Variants in MYOM1 observed in about 807,000 individuals in gnomAD.
MYOM1 encodes myomesin 1, also known as myomesin-1.
Under a neutral mutation model 205.3 loss-of-function variants are expected in MYOM1, and 164 were observed. The ratio of observed to expected loss-of-function variants is 0.80; its 90% CI spans 0.70 to 0.91. MYOM1 has a LOEUF of 0.91. Among genes scored for constraint, MYOM1 ranks in the 40% least tolerant of loss-of-function variants. The probability of loss-of-function intolerance (pLI) is 0.00; values close to 1 mark genes in which losing one functional copy is unlikely to be tolerated. For synonymous variants in MYOM1, 772 were observed against 789.4 expected (o/e 0.98, Z 0.37); for missense variants, 2,011 against 2,127.3 (o/e 0.95, Z 1.08).
chr18:3,215,063 T>A lies in MYOM1; in HGVS notation c.161A>T (p.His54Leu). Residue 54 changes from histidine (H) to leucine (L), a missense_variant, in exon 2 of 38, where the codon CAC becomes CTC. Transcript: ENST00000356443. ...ACGGAAGGCCTCGGACTCCCGGCGG[T>A]GCGCGGCGGAGGAGCGGCTGCTGTA... Reference protein sequence around the residue: ...TAYSSRSSAAHRRESEAFRRA... With the variant: ...TAYSSRSSAALRRESEAFRRA... 6.2e-7 allele frequency: 1 copy of A among 1,613,430 alleles called. No homozygotes were observed. The highest frequency in any genetic ancestry group is 8.5e-7 in the Non-Finnish European group (1 of 1,179,778).
Position 3,089,634 on chromosome 18 carries a change from G to C in MYOM1, c.4010-38C>G, listed in dbSNP as rs757122038. On this transcript the variant is annotated intron_variant, in intron 27 of 37. Coordinates refer to ENST00000356443, the MANE Select transcript of MYOM1 (RefSeq NM_003803.4). ...AAACAAGGAAGTGTGAAATTGAGTT[G>C]GGTGGTATAAATGCACATGTCAGCC... 7 of 1,559,944 alleles carry C rather than the reference G, an allele frequency of 4.5e-6. No homozygotes were observed. The South Asian group carries it at 8.2e-5, about 18-fold the overall frequency.
At chr18:3,181,604 AT>A (rs145851241) in intron 5 of MYOM1, among the ~76,000 whole-genome samples, 2,030 of 152,314 alleles carry the variant, frequency 0.013, 50 homozygotes, top group African/African-American at 0.047. Flanking sequence ...ATTTGTGAGA[AT>A]AGAAGAGTTT....
At position 3,082,573 on chromosome 18, in the gene MYOM1, C is replaced by T. The variant is rs553596611; in HGVS notation, c.4484+1216G>A. ...TGGGGATGCCATGTGACCTTCTTCTCAGTGGGGCTCCTAGGAACATTTGCA... is the reference window on the plus strand; with the variant it reads ...TGGGGATGCCATGTGACCTTCTTCTTAGTGGGGCTCCTAGGAACATTTGCA... On this transcript the variant is annotated intron_variant, in intron 33 of 37. Transcript: ENST00000356443. 5.3e-5 allele frequency among the ~76,000 whole-genome samples: 8 copies of T among 152,274 alleles called. No homozygotes were observed. In the South Asian group the frequency reaches 1.7e-3, roughly 32 times the overall value.
the MYOM1 span, among the ~76,000 whole-genome samples, chr18:3,238,865 T>G: frequency 1.3e-5 from 2 of 152,168 alleles, no homozygotes; most frequent in Non-Finnish European, 2.9e-5. Context: ...CCAGCAACAT[T>G]GTATCTCTTT....
intron 18 of MYOM1, among the ~76,000 whole-genome samples, chr18:3,128,399 G>A (rs546396051): frequency 3.7e-4 from 56 of 152,254 alleles, no homozygotes; most frequent in African/African-American, 1.3e-3. Flanking sequence ...GTTCATTGTT[G>A]TTTGATAGGA....
chr18:3,120,294 A>G (rs902409737), intron 19 of MYOM1, among the ~76,000 whole-genome samples: 4 of 152,142 alleles, frequency 2.6e-5, no homozygotes, highest in Admixed American at 6.5e-5. Context: ...AGGTTAATTA[A>G]AAGGGAAATT....
chr18:3,131,418 T>A lies in MYOM1; in HGVS notation c.2463A>T (p.Glu821Asp). Reference sequence around the variant, plus strand: ...CAATAGCTTCTGAATCCTGGGAATATTCACTAAGTCCAGCTGCATTGACTG... The same window carrying A: ...CAATAGCTTCTGAATCCTGGGAATAATCACTAAGTCCAGCTGCATTGACTG... ...VRAVNAAGLS[E>D]YSQDSEAIEV... The change falls in exon 17 of 38, where the codon GAA becomes GAT. Residue 821 changes from glutamate (E) to aspartate (D), a missense_variant. Transcript: ENST00000356443. 3 of 1,613,924 alleles carry A rather than the reference T, an allele frequency of 1.9e-6. No individual in the cohort carries two copies.
chr18:3,193,359 TATAC>T (rs1431836849), intron 3 of MYOM1, among the ~76,000 whole-genome samples: 2 of 119,292 alleles, frequency 1.7e-5, no homozygotes, highest in Non-Finnish European at 3.6e-5. Flanking sequence ...TATATATATA[TATAC>T]ACACACACAC....
chr18:3,101,087 G>GA lies in MYOM1; in HGVS notation c.3576-662dup, dbSNP rs1488738817. ...GAAATGTTAAGTGTATAAACTGGGA[G>GA]AAAAAATTATCGTTCAATTATCTTT... is the stretch of plus-strand genomic sequence containing the variant. On this transcript the variant is annotated intron_variant, in intron 23 of 37. Transcript: ENST00000356443. Among the ~76,000 whole-genome samples, 15 of 152,308 alleles carry GA rather than the reference G, an allele frequency of 9.8e-5. No individual in the cohort carries two copies. In the East Asian group the frequency reaches 2.3e-3, roughly 23 times the overall value.
At chr18:3,149,606 CATA>C (rs983680949) in intron 12 of MYOM1, among the ~76,000 whole-genome samples, 8 of 152,098 alleles carry the variant, frequency 5.3e-5, no homozygotes, top group Admixed American at 2.0e-4. Flanking sequence ...TATTTATTGT[CATA>C]ATAAGATGAA....
chr18:3,076,200 C>T (rs1289854518), intron 34 of MYOM1, among the ~76,000 whole-genome samples: 1 of 151,982 alleles, frequency 6.6e-6, no homozygotes, highest in East Asian at 1.9e-4. Context: ...GTAGCTGGGG[C>T]CACTCAAGTA....
At chr18:3,087,488 CTTTTTTT>C (rs5822735) in intron 29 of MYOM1, among the ~76,000 whole-genome samples, 1 of 122,706 alleles carries the variant, frequency 8.1e-6, no homozygotes, top group Non-Finnish European at 1.7e-5. Flanking sequence ...CTCCTACGTT[CTTTTTTT>C]TTTTTTTTTT....
At chr18:3,202,597 A>T (rs2081082030) in intron 2 of MYOM1, among the ~76,000 whole-genome samples, 2 of 152,184 alleles carry the variant, frequency 1.3e-5, no homozygotes, top group Non-Finnish European at 2.9e-5. Flanking sequence ...TAAAATGGTC[A>T]ATTTCTAAGA....
At chr18:3,231,097 G>A in the MYOM1 span, among the ~76,000 whole-genome samples, 4 of 152,196 alleles carry the variant, frequency 2.6e-5, no homozygotes, top group African/African-American at 9.6e-5. Context: ...CTGATGTTTA[G>A]AACTAGGTGA....
intron 19 of MYOM1, among the ~76,000 whole-genome samples, chr18:3,126,173 G>A (rs2079777940): frequency 6.6e-6 from 1 of 150,634 alleles, no homozygotes; most frequent in South Asian, 2.1e-4. Flanking sequence ...GCTGAGGCAG[G>A]AGAATCACTT....
At chr18:3,184,978 A>G (rs1233876674) in intron 5 of MYOM1, among the ~76,000 whole-genome samples, 3 of 152,222 alleles carry the variant, frequency 2.0e-5, no homozygotes, top group African/African-American at 7.2e-5. Flanking sequence ...GATCAACTCT[A>G]CTGCTTCTTA....
At chr18:3,082,144 G>A (rs964099866) in intron 33 of MYOM1, among the ~76,000 whole-genome samples, 1 of 152,232 alleles carries the variant, frequency 6.6e-6, no homozygotes, top group Non-Finnish European at 1.5e-5. Flanking sequence ...GACAGGAGGC[G>A]GAGCTCAGGT....
chr18:3,197,742 A>G (rs4416116), intron 2 of MYOM1, among the ~76,000 whole-genome samples: 26,796 of 150,260 alleles, frequency 0.18, 2,489 homozygotes, highest in East Asian at 0.23. Flanking sequence ...GCATGGTGGC[A>G]GGCGCCTGTG....
chr18:3,071,797 T>C, intron 37 of MYOM1, 37 bp downstream of exon 37: 1 of 1,574,188 alleles, frequency 6.4e-7, no homozygotes. Flanking sequence ...CTGTTCATAG[T>C]GCAGAAGGAG....
Sources: allele counts gnomAD v4.1 joint callset (sites outside exome capture counted in the v4.1 genomes callset), GRCh38; gene constraint gnomAD v4.1.1; transcripts MANE v1.5; gene names NCBI Gene and HGNC (gene_info 2026-07-23, HGNC 2026-07-21).